LAMA4: variants seen among roughly 807,000 people sequenced by gnomAD.
LAMA4 encodes the protein laminin subunit alpha-4.
Under a neutral mutation model 207.1 loss-of-function variants are expected in LAMA4, and 127 were observed. The ratio of observed to expected loss-of-function variants is 0.61; its 90% CI spans 0.53 to 0.71. The LOEUF (loss-of-function observed/expected upper bound fraction) is 0.71, where lower values mean the gene tolerates loss of function less well. LAMA4 is among the 30% of genes least tolerant of loss of function. The pLI is 0.00. For synonymous variants in LAMA4, 761 were observed against 816.0 expected, an observed-to-expected ratio of 0.93 and a Z score of 1.15; for missense variants, 2,093 against 2,246.5, an observed-to-expected ratio of 0.93 and a Z score of 1.38.
In LAMA4 at chr6:112,134,452, A is replaced by G; in HGVS notation, c.3557+15T>C. ...CATTGCTAGGAACAAACAGCTACTTAACAAAAAGCCTTACCTGGATTGTAA... is the reference window on the plus strand; with the variant it reads ...CATTGCTAGGAACAAACAGCTACTTGACAAAAAGCCTTACCTGGATTGTAA... On this transcript the variant is annotated intron_variant, in intron 26 of 38. Transcript: ENST00000230538. 6.2e-7 allele frequency: 1 copy of G among 1,613,132 alleles called. No individual in the cohort carries two copies. The highest frequency in any genetic ancestry group is 1.3e-5 in the African/African-American group (1 of 75,022).
rs781900509 is a variant in LAMA4, at chr6:112,155,619, A to G, written c.1905T>C (p.Ser635=). 3.7e-6 allele frequency: 6 copies of G among 1,614,132 alleles called. No individual in the cohort carries two copies. The South Asian group carries it at 6.6e-5, about 18-fold the overall frequency. The change falls in exon 15 of 39, where the codon AGT becomes AGC. Residue 635 remains serine, a synonymous_variant. Coordinates refer to ENST00000230538, the MANE Select transcript of LAMA4 (RefSeq NM_001105206.3). ...NVYENIVNYV[S]EANETAEFAL... ...CAAATTCTGCTGTTTCATTGGCTTCACTAACATAATTAACAATATTTTCAT... is the reference window on the plus strand; with the variant it reads ...CAAATTCTGCTGTTTCATTGGCTTCGCTAACATAATTAACAATATTTTCAT...
chr6:112,233,146 C>T (rs145158109), intron 2 of LAMA4, among the ~76,000 whole-genome samples: 20 of 152,326 alleles, frequency 1.3e-4, no homozygotes, highest in African/African-American at 4.3e-4. Flanking sequence ...CCGTGGTTGA[C>T]TATTGATGTC....
At chr6:112,195,518 T>C (rs1036424154) in intron 5 of LAMA4, among the ~76,000 whole-genome samples, 12 of 152,194 alleles carry the variant, frequency 7.9e-5, no homozygotes, top group African/African-American at 2.9e-4. Context: ...TTCTTCCTTA[T>C]TTTTCTTTTC....
rs1786465530 is a variant in LAMA4 at position 112,241,180 on chromosome 6, T to TATATATGAATATATATATGAATATATAG, written c.195+12775_195+12776insCTATATATTCATATATATATTCATATAT. On this transcript the variant is annotated intron_variant, in intron 2 of 38. Transcript: ENST00000230538. ...ATATATGAATATATATGAATATATATGAATATATATGAATATATATGATAT... is the reference window on the plus strand; with the variant it reads ...ATATATGAATATATATGAATATATATATATATGAATATATATATGAATATATAGGAATATATATGAATATATATGATAT... Among the ~76,000 whole-genome samples the TATATATGAATATATATATGAATATATAG allele has an allele frequency of 1.4e-4, 12 of 85,252 alleles. No individual in the cohort carries two copies. In the East Asian group the frequency reaches 1.7e-3, roughly 12 times the overall value. 55.9% of individuals were successfully genotyped at this position (85,252 alleles called of 152,430 possible).
rs1322965238 is a variant in LAMA4 at position 112,195,911 on chromosome 6, G to C, written c.504-4061C>G. ...GTCACTTCATGGCTCAGAGTCTCAG[G>C]TTCCTCATCTTTTTAAATGAACTAA... On this transcript the variant is annotated intron_variant, in intron 5 of 38. Transcript: ENST00000230538. Among the ~76,000 whole-genome samples the C allele has an allele frequency of 2.6e-5, 4 of 151,194 alleles. No individual in the cohort carries two copies. The East Asian group carries it at 7.8e-4, about 29-fold the overall frequency.
In LAMA4 at chr6:112,175,316, C is replaced by T. The variant is rs1554343251; in HGVS notation, c.1354G>A (p.Glu452Lys). 2.5e-6 allele frequency: 4 copies of T among 1,613,898 alleles called. No homozygotes were observed. Among genetic ancestry groups the T allele is most frequent in the South Asian group, 1.1e-5 (1 of 91,068 alleles). Residue 452 changes from glutamate to lysine, a missense_variant, in exon 11 of 39, where the codon GAA becomes AAA. Around this residue, in one of 3 missense-constraint regions of LAMA4, gnomAD observed 1,704 missense variants for 1,788.4 expected, o/e 0.95. Transcript: ENST00000230538. ...LVDEEADEAYELLSQAESWQR... is the reference protein window; with the variant it reads ...LVDEEADEAYKLLSQAESWQR... The stretch of plus-strand genomic sequence containing the variant: ...GCTATGAGAGGAATACACCTACGTT[C>T]GTAAGCCTCATCTGCCTCCTCATCC...
At chr6:112,129,185 TGC>T in intron 30 of LAMA4, 110 bp from the exon 31 acceptor site, 2 of 520,530 alleles carry the variant, frequency 3.8e-6, no homozygotes, top group South Asian at 2.1e-5. Context: ...TGTGTGTGTG[TGC>T]ATGTGTGTGT....
chr6:112,124,747 A>G (rs1354298461), intron 31 of LAMA4, among the ~76,000 whole-genome samples: 2 of 149,056 alleles, frequency 1.3e-5, no homozygotes, highest in Non-Finnish European at 3.0e-5. Flanking sequence ...TGTTATAAGG[A>G]TATAGGGGTA....
chr6:112,144,818 A>G lies in LAMA4; in HGVS notation c.2469T>C (p.Ala823=). The change falls in exon 19 of 39, where the codon GCT becomes GCC. Residue 823 remains alanine (A), a synonymous_variant. Coordinates refer to ENST00000230538, the MANE Select transcript of LAMA4 (RefSeq NM_001105206.3). ...CCTTGCTGGCAACACTTCTGGTCTG[A>G]GCAATGAGCTCTCGGATCCTCTGGA... The part of the protein sequence containing the change: ...ASIQRIRELI[A]QTRSVASKIQ... 1 of 1,613,698 alleles carries G rather than the reference A, an allele frequency of 6.2e-7. No homozygotes were observed. Among genetic ancestry groups the G allele is most frequent in the South Asian group, 1.1e-5 (1 of 91,056 alleles).
intron 3 of LAMA4, among the ~76,000 whole-genome samples, chr6:112,215,868 G>A (rs1378529569): frequency 6.6e-6 from 1 of 152,136 alleles, no homozygotes; most frequent in African/African-American, 2.4e-5. Context: ...AAGACCACAA[G>A]GGCAAAGCTT....
At chr6:112,209,395 G>A (rs1279140059) in intron 3 of LAMA4, among the ~76,000 whole-genome samples, 1 of 152,180 alleles carries the variant, frequency 6.6e-6, no homozygotes, top group African/African-American at 2.4e-5. Context: ...GGCAGCCATG[G>A]GAAGCAGTGA....
intron 34 of LAMA4, 66 bp downstream of exon 34, chr6:112,119,090 G>C (rs1583637447): frequency 1.3e-6 from 2 of 1,502,758 alleles, no homozygotes; most frequent in East Asian, 4.5e-5. Flanking sequence ...TGTGAGACGA[G>C]GGCCTCAATT....
rs556782526 is a variant in LAMA4 at position 112,199,654 on chromosome 6, T to C, written c.503+1954A>G. On this transcript the variant is annotated intron_variant, in intron 5 of 38. Transcript: ENST00000230538. ...CTCTTATGGCAATAAATAAATAAAT[T>C]CAAAAAAATCCACAATCCTTTAGTG... Among the ~76,000 whole-genome samples, 8 of 152,122 alleles carry C rather than the reference T, an allele frequency of 5.3e-5. No homozygotes were observed. The South Asian group carries it at 1.7e-3, about 32-fold the overall frequency.
At chr6:112,136,587 G>C (rs782448279) in intron 24 of LAMA4, among the ~76,000 whole-genome samples, 1 of 151,948 alleles carries the variant, frequency 6.6e-6, no homozygotes, top group Non-Finnish European at 1.5e-5. Flanking sequence ...AGCTACTCAG[G>C]GGGCTGAGGC....
At position 112,216,401 on chromosome 6, in the gene LAMA4, G is replaced by A. The variant is rs201152817; in HGVS notation, c.264C>T (p.Ser88=). The change falls in exon 3 of 39, where the codon TCC becomes TCT. Residue 88 remains serine, a synonymous_variant. Transcript: ENST00000230538. The stretch of plus-strand genomic sequence containing the variant: ...ATCCTGAGCCGTCCAAACACTCGTT[G>A]GAATTGCCATTACAGTCGCAGGGCA... The part of the protein sequence containing the change: ...ECVPCDCNGN[S]NECLDGSGYC... 293 of 1,613,960 alleles carry A rather than the reference G, an allele frequency of 1.8e-4. 3 individuals are homozygous for A. In the South Asian group the frequency reaches 3.0e-3, roughly 17 times the overall value.
chr6:112,211,265 G>A (rs868912006), intron 3 of LAMA4, among the ~76,000 whole-genome samples: 1 of 152,134 alleles, frequency 6.6e-6, no homozygotes, highest in African/African-American at 2.4e-5. Flanking sequence ...TTACATACAG[G>A]GTTGGGCCTG....
intron 16 of LAMA4, among the ~76,000 whole-genome samples, chr6:112,151,653 T>C (rs1452328181): frequency 6.6e-6 from 1 of 152,146 alleles, no homozygotes; most frequent in Admixed American, 6.5e-5. Context: ...TTTTTAAAAG[T>C]TAATTTCCCA....
Position 112,141,502 on chromosome 6 carries a change from G to A in LAMA4, c.2669C>T (p.Ala890Val). ...TGCAAGACCCATATACTCTTTTTTG[G>A]CCTGAAATATCAAGAAGTAAGAAGT... ...QFILYLGSKN[A>V]KKEYMGLAIK... The change falls in exon 21 of 39, where the codon GCC becomes GTC. Residue 890 changes from alanine to valine, a missense_variant and splice_region_variant. Physicochemically the swap from Ala to Val is moderately conservative, Grantham distance 64 (BLOSUM62 0). Coordinates refer to ENST00000230538, the MANE Select transcript of LAMA4 (RefSeq NM_001105206.3). 6.3e-7 allele frequency: 1 copy of A among 1,594,718 alleles called. No individual in the cohort carries two copies. The highest frequency in any genetic ancestry group is 8.6e-7 in the Non-Finnish European group (1 of 1,162,538).
At chr6:112,185,200 GA>G in intron 9 of LAMA4, 36 bp downstream of exon 9, 1 of 1,354,572 alleles carries the variant, frequency 7.4e-7, no homozygotes, top group Non-Finnish European at 1.1e-6. Flanking sequence ...TCCTTTCTTT[GA>G]AGGCTGTCCC....
Sources: gnomAD v4.1 joint callset for allele counts (sites outside exome capture counted in the v4.1 genomes callset) on GRCh38, gnomAD v4.1.1 for gene constraint, gnomAD v4.1.1 regional missense constraint, MANE v1.5 for transcripts, NCBI Gene and HGNC (gene_info 2026-07-23, HGNC 2026-07-21) for gene names.